Variants in LEF1 observed in about 807,000 individuals in gnomAD.
LEF1 encodes the protein lymphoid enhancer-binding factor 1.
LEF1 carries 14 observed loss-of-function variants against 51.2 expected under a neutral mutation model. The observed-to-expected ratio is 0.27, with a 90% CI of 0.18 to 0.43. LEF1 has a LOEUF of 0.43. Among genes scored for constraint, LEF1 ranks in the 20% least tolerant of loss-of-function variants. The pLI is 1.00. For synonymous variants in LEF1, 185 were observed against 183.2 expected, an observed-to-expected ratio of 1.01 and a Z score of -0.08; for missense variants, 386 against 512.0, an observed-to-expected ratio of 0.75 and a Z score of 2.37.
chr4:108,089,089 CA>C (rs57523476), intron 4 of LEF1, 35 bp downstream of exon 4: 367 of 1,570,986 alleles, frequency 2.3e-4, no homozygotes, highest in Admixed American at 9.3e-4. Flanking sequence ...CTTCATTTGG[CA>C]AAAAAAAAGG....
At chr4:108,097,609 T>C (rs145391720) in intron 3 of LEF1, among the ~76,000 whole-genome samples, 427 of 152,338 alleles carry the variant, frequency 2.8e-3, no homozygotes, top group Middle Eastern at 6.8e-3. Context: ...AATGAAATGA[T>C]AGATGCTTGA....
chr4:108,097,402 G>T (rs1352917043), intron 3 of LEF1, among the ~76,000 whole-genome samples: 1 of 152,184 alleles, frequency 6.6e-6, no homozygotes. Context: ...TTGAACTCAC[G>T]GAGATACAGA....
intron 3 of LEF1, among the ~76,000 whole-genome samples, chr4:108,154,116 T>C (rs905887903): frequency 6.6e-6 from 1 of 152,198 alleles, no homozygotes; most frequent in African/African-American, 2.4e-5. Flanking sequence ...TTTCTTTTTA[T>C]TTTAATAAAA....
intron 3 of LEF1, among the ~76,000 whole-genome samples, chr4:108,143,331 C>T (rs1049228425): frequency 5.3e-5 from 8 of 152,114 alleles, no homozygotes; most frequent in Non-Finnish European, 1.2e-4. Flanking sequence ...AGCAAGAAAA[C>T]CTGAATAATA....
chr4:108,049,874 G>A (rs1031046177), intron 11 of LEF1, among the ~76,000 whole-genome samples: 1 of 152,232 alleles, frequency 6.6e-6, no homozygotes, highest in Non-Finnish European at 1.5e-5. Flanking sequence ...TACTTTCCAT[G>A]GAAGGATGGT....
At chr4:108,155,758 G>T (rs1046619377) in intron 3 of LEF1, among the ~76,000 whole-genome samples, 3 of 152,190 alleles carry the variant, frequency 2.0e-5, no homozygotes, top group African/African-American at 7.2e-5. Flanking sequence ...GTTTTCAGAA[G>T]AAGATGATGG....
intron 3 of LEF1, among the ~76,000 whole-genome samples, chr4:108,124,259 T>A (rs1307351534): frequency 6.6e-6 from 1 of 152,208 alleles, no homozygotes; most frequent in African/African-American, 2.4e-5. Context: ...AAGCCAGATA[T>A]TTTTTCAGTT....
chr4:108,163,750 A>G, intron 2 of LEF1, 49 bp from the exon 3 acceptor site: 3 of 1,579,598 alleles, frequency 1.9e-6, no homozygotes, highest in African/African-American at 1.4e-5. Context: ...TCCCTTTTAT[A>G]TTACTGTATT....
At chr4:108,099,578 A>ATATATGTGTG (rs1740649119) in intron 3 of LEF1, among the ~76,000 whole-genome samples, 1 of 44,418 alleles carries the variant, frequency 2.3e-5, no homozygotes, top group South Asian at 6.8e-4. Context: ...GTGTATATAT[A>ATATATGTGTG]TATATATATA....
At chr4:108,089,347 C>T (rs1739859936) in intron 3 of LEF1, 90 bp from the exon 4 acceptor site, 2 of 1,380,446 alleles carry the variant, frequency 1.4e-6, no homozygotes, top group East Asian at 2.3e-5. Flanking sequence ...GCAGCAGTAA[C>T]CAGTCATCAA....
intron 3 of LEF1, among the ~76,000 whole-genome samples, chr4:108,106,436 T>A (rs1364293295): frequency 6.6e-6 from 1 of 151,910 alleles, no homozygotes; most frequent in East Asian, 1.9e-4. Context: ...GGCTTCCAGG[T>A]TTTCAAGATT....
intron 3 of LEF1, among the ~76,000 whole-genome samples, chr4:108,143,891 A>G (rs1743832631): frequency 6.6e-6 from 1 of 152,140 alleles, no homozygotes; most frequent in African/African-American, 2.4e-5. Flanking sequence ...CATCATTGAG[A>G]ATGGAGGTGA....
chr4:108,077,880 GA>G (rs567360812), intron 8 of LEF1, among the ~76,000 whole-genome samples: 6 of 150,016 alleles, frequency 4.0e-5, no homozygotes, highest in East Asian at 3.9e-4. Flanking sequence ...TTTTAAATTG[GA>G]AAAAAAAAAT....
chr4:108,129,926 A>G (rs963806535), intron 3 of LEF1, among the ~76,000 whole-genome samples: 3 of 152,196 alleles, frequency 2.0e-5, no homozygotes, highest in Non-Finnish European at 4.4e-5. Flanking sequence ...TCAAGTACCA[A>G]TAACAAATGG....
intron 1 of LEF1, chr4:108,166,208 C>G (rs904145789): frequency 1.3e-6 from 2 of 1,494,038 alleles, no homozygotes; most frequent in African/African-American, 2.8e-5. Flanking sequence ...CTGGATTCAA[C>G]GGGTAAAGAA....
At chr4:108,093,342 C>T (rs1330721904) in intron 3 of LEF1, among the ~76,000 whole-genome samples, 1 of 152,150 alleles carries the variant, frequency 6.6e-6, no homozygotes, top group Non-Finnish European at 1.5e-5. Flanking sequence ...AAGTACCTCA[C>T]TTAATAGAAC....
At chr4:108,057,159 C>T (rs146587724) in intron 11 of LEF1, among the ~76,000 whole-genome samples, 1 of 152,012 alleles carries the variant, frequency 6.6e-6, no homozygotes. Context: ...AGCTGAGGTG[C>T]TTTCTAAATA....
In LEF1 at chr4:108,168,482, A is replaced by G. The variant is rs1745554868; in HGVS notation, c.-715T>C. ...TCGAGGCTCATTTAATCTGCTAGAG[A>G]AGGAGGAGGAGCAGAAGATGGGGGC... On this transcript the variant is annotated 5_prime_UTR_variant, in exon 1 of 12. Transcript: ENST00000265165. The surrounding 1 kb of genome is among the most constrained non-coding windows in gnomAD (Gnocchi z 4.6). 1 of 152,140 alleles carries G rather than the reference A, an allele frequency of 6.6e-6. No individual in the cohort carries two copies. The highest frequency in any genetic ancestry group is 2.4e-5 in the African/African-American group (1 of 41,410). The allele number at this position is 152,140 out of a possible 1,614,324, so 9.4% of individuals were successfully genotyped here.
intron 3 of LEF1, among the ~76,000 whole-genome samples, chr4:108,099,611 T>A (rs1416493855): frequency 1.7e-5 from 2 of 120,268 alleles, no homozygotes; most frequent in South Asian, 2.6e-4. Flanking sequence ...TATATATATA[T>A]ATATATAAAT....
Sources: allele counts gnomAD v4.1 joint callset (sites outside exome capture counted in the v4.1 genomes callset), GRCh38; gene constraint gnomAD v4.1.1; non-coding constraint Gnocchi (gnomAD v3.1); transcripts MANE v1.5; gene names NCBI Gene and HGNC (gene_info 2026-07-23, HGNC 2026-07-21).